HNRNPF: variants seen among roughly 807,000 people sequenced by gnomAD.
HNRNPF encodes the protein heterogeneous nuclear ribonucleoprotein F, also known as HnRNP F protein.
HNRNPF carries 2 observed loss-of-function variants against 26.0 expected under a neutral mutation model. The observed-to-expected ratio is 0.08, with a 90% CI of 0.03 to 0.24. HNRNPF has a LOEUF of 0.24. Among genes scored for constraint, HNRNPF ranks in the 10% least tolerant of loss-of-function variants. The pLI is 1.00. For synonymous variants in HNRNPF, 234 were observed against 211.5 expected (o/e 1.11, Z -0.92); for missense variants, 299 against 539.2 (o/e 0.55, Z 4.41).
Position 43,386,114 on chromosome 10 carries a change from G to A in HNRNPF, c.*523C>T, listed in dbSNP as rs1009459732. 3 of 152,604 alleles carry A rather than the reference G, an allele frequency of 2.0e-5. No individual in the cohort carries two copies. The highest frequency in any genetic ancestry group is 2.1e-4 in the South Asian group (1 of 4,834). The allele number at this position is 152,604 out of a possible 1,614,324, so 9.5% of individuals were successfully genotyped here. On this transcript the variant is annotated 3_prime_UTR_variant, in exon 4 of 4. Transcript: ENST00000682386. ...AAAATACACCCAAAAGGAAATCACA[G>A]TACAAAGAAAGTTTTAAGTCAAGGC... is the stretch of plus-strand genomic sequence containing the variant.
chr10:43,403,921 G>A (rs970465821), intron 1 of HNRNPF, among the ~76,000 whole-genome samples: 2 of 152,120 alleles, frequency 1.3e-5, no homozygotes, highest in African/African-American at 4.8e-5. Context: ...GAGCCCAGGA[G>A]GTTGAGGCTG....
Position 43,387,951 on chromosome 10 carries a change from AAG to A in HNRNPF, c.-52-17_-52-16del. ...CTTTTTTGTGGCTGGAAAAAAAAAA[AAG>A]AAAAATTTATTTAGTATGCAACAGA... On this transcript the variant is annotated splice_polypyrimidine_tract_variant and intron_variant, in intron 3 of 3. Coordinates refer to ENST00000682386, the MANE Select transcript of HNRNPF (RefSeq NM_001098204.2). The surrounding 1 kb of genome is among the most constrained non-coding windows in gnomAD (Gnocchi z 6.0). 2 of 1,384,254 alleles carry A rather than the reference AAG, an allele frequency of 1.4e-6. No homozygotes were observed. The highest frequency in any genetic ancestry group is 2.0e-6 in the Non-Finnish European group (2 of 1,014,632). The allele number at this position is 1,384,254 out of a possible 1,614,324, so 85.7% of individuals were successfully genotyped here. A position where few individuals can be genotyped will look rare whatever the true frequency, so the allele number is the denominator to read the frequency against.
At chr10:43,398,342 TTG>T (rs1321781566) in intron 1 of HNRNPF, among the ~76,000 whole-genome samples, 4 of 125,642 alleles carry the variant, frequency 3.2e-5, no homozygotes, top group Admixed American at 7.6e-5. Context: ...TTTGTTGTTG[TTG>T]TTTTTTTTTT....
intron 3 of HNRNPF, among the ~76,000 whole-genome samples, chr10:43,390,484 G>A (rs1838198578): frequency 6.6e-6 from 1 of 152,024 alleles, no homozygotes; most frequent in Admixed American, 6.6e-5. Flanking sequence ...ACCATTCCCT[G>A]CAGGAAACCC....
At chr10:43,406,957 AACG>A (rs1334307729) in intron 1 of HNRNPF, among the ~76,000 whole-genome samples, 1 of 152,198 alleles carries the variant, frequency 6.6e-6, no homozygotes, top group Non-Finnish European at 1.5e-5. Context: ...CTGTGAGAGC[AACG>A]AGTCACTTTG....
chr10:43,406,252 CG>C (rs1838915342), intron 1 of HNRNPF, among the ~76,000 whole-genome samples: 1 of 152,166 alleles, frequency 6.6e-6, no homozygotes, highest in African/African-American at 2.4e-5. Flanking sequence ...CTACCCCCAC[CG>C]GGCTCTCATT....
intron 3 of HNRNPF, among the ~76,000 whole-genome samples, chr10:43,392,579 T>A (rs1266457039): frequency 6.6e-6 from 1 of 152,144 alleles, no homozygotes; most frequent in African/African-American, 2.4e-5. Context: ...ACTATACAGA[T>A]CTCCATGGCA....
intron 3 of HNRNPF, among the ~76,000 whole-genome samples, chr10:43,393,383 G>A (rs954598127): frequency 6.6e-6 from 1 of 152,158 alleles, no homozygotes; most frequent in African/African-American, 2.4e-5. Flanking sequence ...GTCACCTGAA[G>A]TCAGGAGTTC....
At chr10:43,405,947 C>A (rs1589001711) in intron 1 of HNRNPF, among the ~76,000 whole-genome samples, 1 of 152,010 alleles carries the variant, frequency 6.6e-6, no homozygotes, top group African/African-American at 2.4e-5. Flanking sequence ...AGGGGTGTCC[C>A]GGTCCAACTT....
At chr10:43,397,400 G>C (rs1039282259) in intron 1 of HNRNPF, 2 of 152,370 alleles carry the variant, frequency 1.3e-5, no homozygotes, top group Admixed American at 1.3e-4. Flanking sequence ...GGAAGTGGGG[G>C]AAGGAGAGAG....
intron 1 of HNRNPF, among the ~76,000 whole-genome samples, chr10:43,407,212 G>A (rs1197994503): frequency 1.3e-5 from 2 of 151,212 alleles, no homozygotes; most frequent in African/African-American, 4.8e-5. Context: ...GGCCCGCCCC[G>A]CGCGGTTCCG....
intron 1 of HNRNPF, among the ~76,000 whole-genome samples, chr10:43,403,266 C>T (rs1158663297): frequency 6.6e-6 from 1 of 152,182 alleles, no homozygotes; most frequent in Non-Finnish European, 1.5e-5. Context: ...AATCCGCCTG[C>T]CTTGGCCCTG....
chr10:43,408,969 C>A (rs1022988913), intron 1 of HNRNPF, 162 bp downstream of exon 1: 1 of 152,550 alleles, frequency 6.6e-6, no homozygotes, highest in African/African-American at 2.4e-5. Flanking sequence ...GCGGCTTTGC[C>A]GGAAGCCCTC....
chr10:43,391,219 G>T (rs1170734990), intron 3 of HNRNPF, among the ~76,000 whole-genome samples: 1 of 151,940 alleles, frequency 6.6e-6, no homozygotes, highest in Non-Finnish European at 1.5e-5. Flanking sequence ...CTTGAACCTG[G>T]GAGGCAGAGG....
Position 43,387,557 on chromosome 10 carries a change from CGTTGGCGCT to C in HNRNPF, c.319_327del (p.Ser107_Asn109del). 1 of 1,614,206 alleles carries C rather than the reference CGTTGGCGCT, an allele frequency of 6.2e-7. No homozygotes were observed. The highest frequency in any genetic ancestry group is 8.5e-7 in the Non-Finnish European group (1 of 1,180,020). ...AGTCCTCGAAGCCGCACGAAGCCAT[CGTTGGCGCT>C]GTCGGCACTGTTGGGACCACTGTGC... On this transcript the variant is annotated inframe_deletion, in exon 4 of 4. Coordinates refer to ENST00000682386, the MANE Select transcript of HNRNPF (RefSeq NM_001098204.2). The surrounding 1 kb of genome is among the most constrained non-coding windows in gnomAD (Gnocchi z 6.0).
intron 1 of HNRNPF, among the ~76,000 whole-genome samples, chr10:43,402,876 T>A (rs1838796417): frequency 6.7e-6 from 1 of 149,850 alleles, no homozygotes; most frequent in African/African-American, 2.5e-5. Context: ...CTGTCATGCC[T>A]TTTCTTAATT....
At chr10:43,398,247 A>T (rs573029157) in intron 1 of HNRNPF, among the ~76,000 whole-genome samples, 34 of 151,584 alleles carry the variant, frequency 2.2e-4, no homozygotes, top group Non-Finnish European at 3.7e-4. Context: ...GCTGGTCTCG[A>T]TATCTTGACC....
At chr10:43,393,519 C>T (rs989503980) in intron 3 of HNRNPF, among the ~76,000 whole-genome samples, 4 of 151,980 alleles carry the variant, frequency 2.6e-5, no homozygotes, top group Non-Finnish European at 5.9e-5. Context: ...TCGCTTGAAC[C>T]TGGGAGGCAG....
chr10:43,386,885 C>G lies in HNRNPF; in HGVS notation c.1000G>C (p.Glu334Gln). Residue 334 changes from glutamate (E) to glutamine (Q), a missense_variant, in exon 4 of 4, where the codon GAG becomes CAG. Around this residue, in one of 6 missense-constraint regions of HNRNPF, gnomAD observed 36 missense variants for 93.8 expected, o/e 0.38. Transcript: ENST00000682386. ...ACAGCTTCTTCATGAGTAGCAAACT[C>G]AACATCTGCTTCACCCGTCACTCTT... ...DGRVTGEADV[E>Q]FATHEEAVAA... is the part of the protein sequence containing the mutation. 6.2e-7 allele frequency: 1 copy of G among 1,614,210 alleles called. No individual in the cohort carries two copies.
Sources: gnomAD v4.1 joint callset for allele counts (sites outside exome capture counted in the v4.1 genomes callset) on GRCh38, gnomAD v4.1.1 for gene constraint, gnomAD v4.1.1 regional missense constraint, Gnocchi (gnomAD v3.1) non-coding constraint, MANE v1.5 for transcripts, NCBI Gene and HGNC (gene_info 2026-07-23, HGNC 2026-07-21) for gene names.